The following FSTL5 variants were observed in gnomAD, a reference collection of about 807,000 sequenced individuals.
FSTL5 encodes follistatin like 5.
Under a neutral mutation model 89.1 loss-of-function variants are expected in FSTL5, and 62 were observed. The observed-to-expected ratio is 0.70, with a 90% confidence interval of 0.57 to 0.86. The LOEUF (loss-of-function observed/expected upper bound fraction) is 0.86, where lower values mean the gene tolerates loss of function less well. FSTL5 is among the 40% of genes least tolerant of loss of function. FSTL5 has a pLI of 0.00. For missense variants in FSTL5, 1,057 were observed against 1,001.6 expected (o/e 1.06, Z -0.75); for synonymous variants, 383 against 346.2 (o/e 1.11, Z -1.18).
At chr4:162,095,645 T>C (rs563064978) in intron 2 of FSTL5, among the ~76,000 whole-genome samples, 54 of 152,072 alleles carry the variant, frequency 3.6e-4, no homozygotes, top group Non-Finnish European at 7.4e-4. Context: ...TTTATTTATG[T>C]TCTTAAAGAG....
intron 13 of FSTL5, among the ~76,000 whole-genome samples, chr4:161,467,771 C>T (rs1733795929): frequency 6.6e-6 from 1 of 152,030 alleles, no homozygotes; most frequent in East Asian, 1.9e-4. Flanking sequence ...AGTTATGGAA[C>T]TCATTATCTA....
chr4:161,913,122 A>T (rs1396202484), intron 4 of FSTL5, among the ~76,000 whole-genome samples: 1 of 152,206 alleles, frequency 6.6e-6, no homozygotes, highest in Non-Finnish European at 1.5e-5. Flanking sequence ...TTCAAAAAAA[A>T]TTTCAGCCTG....
chr4:161,507,074 T>C (rs537893822), intron 11 of FSTL5, among the ~76,000 whole-genome samples: 5 of 152,192 alleles, frequency 3.3e-5, no homozygotes, highest in African/African-American at 1.2e-4. Flanking sequence ...TTCATCAAAG[T>C]AATTCATGTG....
At chr4:161,707,901 G>A (rs1267076573) in intron 6 of FSTL5, among the ~76,000 whole-genome samples, 1 of 151,898 alleles carries the variant, frequency 6.6e-6, no homozygotes, top group Non-Finnish European at 1.5e-5. Context: ...CAAAAAAGGA[G>A]CAAAGCATTA....
At chr4:161,764,009 A>C (rs1195412597) in intron 5 of FSTL5, among the ~76,000 whole-genome samples, 4 of 151,914 alleles carry the variant, frequency 2.6e-5, no homozygotes, top group Non-Finnish European at 4.4e-5. Flanking sequence ...TTTTCAACCA[A>C]CACGTGCCCA....
At chr4:161,701,081 A>T (rs1030680527) in intron 6 of FSTL5, among the ~76,000 whole-genome samples, 3 of 152,186 alleles carry the variant, frequency 2.0e-5, no homozygotes, top group Admixed American at 6.5e-5. Flanking sequence ...GTCTCTTTAG[A>T]ATAGAAATTA....
At chr4:161,709,530 G>A (rs1738702556) in intron 6 of FSTL5, among the ~76,000 whole-genome samples, 1 of 152,308 alleles carries the variant, frequency 6.6e-6, no homozygotes, top group South Asian at 2.1e-4. Context: ...GGCTGGTGCA[G>A]TGGCTCACAA....
chr4:161,650,981 G>A (rs1736321250), intron 7 of FSTL5, among the ~76,000 whole-genome samples: 1 of 152,068 alleles, frequency 6.6e-6, no homozygotes, highest in Non-Finnish European at 1.5e-5. Context: ...ATCCAAAACA[G>A]TTCCGCATTT....
At chr4:161,586,872 A>T (rs1238344050) in intron 8 of FSTL5, among the ~76,000 whole-genome samples, 1 of 152,214 alleles carries the variant, frequency 6.6e-6, no homozygotes. Flanking sequence ...GTATATTAAA[A>T]TATATGTTAC....
intron 6 of FSTL5, among the ~76,000 whole-genome samples, chr4:161,705,114 T>A (rs966908711): frequency 1.4e-4 from 22 of 152,060 alleles, no homozygotes; most frequent in African/African-American, 4.8e-4. Flanking sequence ...TTTGAAATAA[T>A]TTTCTAAATA....
At chr4:161,919,735 A>T (rs1012347098) in intron 4 of FSTL5, among the ~76,000 whole-genome samples, 1 of 152,192 alleles carries the variant, frequency 6.6e-6, no homozygotes, top group African/African-American at 2.4e-5. Context: ...CAACAAATAA[A>T]TGTATAAAAA....
At chr4:161,827,877 C>A (rs1230869103) in intron 4 of FSTL5, among the ~76,000 whole-genome samples, 2 of 152,122 alleles carry the variant, frequency 1.3e-5, no homozygotes, top group Non-Finnish European at 2.9e-5. Context: ...CACTGTGAAG[C>A]AGGTATGGTT....
chr4:161,561,611 A>G (rs1048402841), intron 8 of FSTL5, among the ~76,000 whole-genome samples: 3 of 151,978 alleles, frequency 2.0e-5, no homozygotes, highest in African/African-American at 7.2e-5. Flanking sequence ...TGGGGTAAAA[A>G]TTGTAGCTCA....
chr4:161,911,469 A>G (rs1414148072), intron 4 of FSTL5, among the ~76,000 whole-genome samples: 1 of 152,032 alleles, frequency 6.6e-6, no homozygotes, highest in Non-Finnish European at 1.5e-5. Context: ...AAAAGCATTG[A>G]AAAAAACGTG....
intron 2 of FSTL5, among the ~76,000 whole-genome samples, chr4:162,063,120 C>G (rs1286263373): frequency 6.6e-6 from 1 of 151,750 alleles, no homozygotes; most frequent in Non-Finnish European, 1.5e-5. Context: ...TCATAGGTCC[C>G]TAGCCCTTCT....
At chr4:161,902,403 A>C (rs1431295819) in intron 4 of FSTL5, among the ~76,000 whole-genome samples, 2 of 152,208 alleles carry the variant, frequency 1.3e-5, no homozygotes. Context: ...GTTTTAAATT[A>C]TCAGGAAAGG....
Position 161,723,935 on chromosome 4 carries a change from A to G in FSTL5, c.727+35476T>C, listed in dbSNP as rs567559691. Among the ~76,000 whole-genome samples, 45 of 152,324 alleles carry G rather than the reference A, an allele frequency of 3.0e-4. No homozygotes were observed. The South Asian group carries it at 5.4e-3, about 18-fold the overall frequency. ...TGTTTGGGATGCTCAGTCAAATTTA[A>G]ATTAATATTAAAACTATTAAATGTT... On this transcript the variant is annotated intron_variant, in intron 6 of 15. Transcript: ENST00000306100.
intron 12 of FSTL5, among the ~76,000 whole-genome samples, chr4:161,482,214 G>T (rs759006795): frequency 1.2e-4 from 18 of 152,258 alleles, no homozygotes; most frequent in Middle Eastern, 3.4e-3. Context: ...TACTTGGGAG[G>T]CCGAGGCAGG....
chr4:161,408,172 C>T (rs1731455415), intron 15 of FSTL5, among the ~76,000 whole-genome samples: 1 of 152,076 alleles, frequency 6.6e-6, no homozygotes, highest in African/African-American at 2.4e-5. Flanking sequence ...GAGAGGGTCA[C>T]CTCTCTTCTC....
Sources: allele counts gnomAD v4.1 joint callset (sites outside exome capture counted in the v4.1 genomes callset), GRCh38; gene constraint gnomAD v4.1.1; transcripts MANE v1.5; gene names NCBI Gene and HGNC (gene_info 2026-07-23, HGNC 2026-07-21).